RORA: variants seen among roughly 807,000 people sequenced by gnomAD.
The protein encoded by RORA is RAR related orphan receptor A, also known as nuclear receptor ROR-alpha.
In RORA, 7 loss-of-function variants were observed where a neutral mutation model predicts 69.5. The ratio of observed to expected loss-of-function variants is 0.10; its 90% CI spans 0.06 to 0.19. RORA has a LOEUF of 0.19. Among genes scored for constraint, RORA ranks in the 10% least tolerant of loss-of-function variants. The pLI, the probability that RORA is intolerant of heterozygous loss-of-function variation, is 1.00. For missense variants in RORA, 457 were observed against 663.0 expected (o/e 0.69, Z 3.41); for synonymous variants, 261 against 240.8 (o/e 1.08, Z -0.78).
At chr15:61,124,428 C>A (rs1406362858) in intron 1 of RORA, among the ~76,000 whole-genome samples, 1 of 152,112 alleles carries the variant, frequency 6.6e-6, no homozygotes, top group Non-Finnish European at 1.5e-5. Context: ...ACCCTCTCTG[C>A]CCCTCTGAGA....
intron 2 of RORA, chr15:60,558,464 C>G (rs1445628888): frequency 1.9e-6 from 1 of 540,284 alleles, no homozygotes; most frequent in Non-Finnish European, 3.3e-6. Context: ...TCATTAATGT[C>G]TGACTGAATA....
chr15:60,717,796 CTTTTT>C (rs10653856), intron 1 of RORA, among the ~76,000 whole-genome samples: 15 of 91,992 alleles, frequency 1.6e-4, no homozygotes, highest in South Asian at 4.5e-4. Context: ...TTCTTTTTCT[CTTTTT>C]TTTTTTTTTT....
At chr15:61,105,474 T>A (rs2078939582) in intron 1 of RORA, among the ~76,000 whole-genome samples, 1 of 152,230 alleles carries the variant, frequency 6.6e-6, no homozygotes, top group African/African-American at 2.4e-5. Context: ...AAACCATCTG[T>A]AATGGAATCT....
At chr15:61,138,871 C>A (rs1446452848) in intron 1 of RORA, among the ~76,000 whole-genome samples, 1 of 152,076 alleles carries the variant, frequency 6.6e-6, no homozygotes, top group Non-Finnish European at 1.5e-5. Flanking sequence ...ACAGGCCGGG[C>A]GCAGTGGCTC....
At chr15:60,713,450 C>T (rs1040738089) in intron 1 of RORA, among the ~76,000 whole-genome samples, 6 of 152,144 alleles carry the variant, frequency 3.9e-5, no homozygotes, top group Non-Finnish European at 5.9e-5. Flanking sequence ...TCTCAGAGAA[C>T]ACTGAATGGA....
intron 1 of RORA, among the ~76,000 whole-genome samples, chr15:60,984,092 T>C (rs1297001588): frequency 6.6e-6 from 1 of 152,184 alleles, no homozygotes; most frequent in Non-Finnish European, 1.5e-5. Context: ...TCTGAGAATA[T>C]GTTAGTAGGA....
intron 2 of RORA, among the ~76,000 whole-genome samples, chr15:60,613,243 G>A (rs760882640): frequency 3.3e-5 from 5 of 151,904 alleles, no homozygotes; most frequent in South Asian, 2.1e-4. Context: ...CATTTGTTTC[G>A]TATCTCTGTG....
intron 1 of RORA, among the ~76,000 whole-genome samples, chr15:61,082,395 A>C (rs557875467): frequency 6.6e-6 from 1 of 152,350 alleles, no homozygotes; most frequent in Admixed American, 6.5e-5. Context: ...AGGCTGAGGC[A>C]GGAGAATTGC....
At chr15:60,656,730 C>T (rs771649519) in intron 2 of RORA, among the ~76,000 whole-genome samples, 8 of 152,076 alleles carry the variant, frequency 5.3e-5, no homozygotes, top group East Asian at 1.9e-4. Flanking sequence ...GGTATCTCCC[C>T]GTCTGTCCAG....
chr15:61,054,575 T>A (rs906464966), intron 1 of RORA, among the ~76,000 whole-genome samples: 5 of 152,196 alleles, frequency 3.3e-5, no homozygotes, highest in African/African-American at 1.2e-4. Flanking sequence ...CAAGCAATAA[T>A]TAGCATCTAA....
intron 3 of RORA, among the ~76,000 whole-genome samples, chr15:60,516,573 G>A (rs2065968006): frequency 6.6e-6 from 1 of 151,938 alleles, no homozygotes; most frequent in Non-Finnish European, 1.5e-5. Context: ...GACACTAGTG[G>A]GGAGAGGTAA....
intron 1 of RORA, among the ~76,000 whole-genome samples, chr15:61,110,409 T>C (rs1033536699): frequency 6.6e-6 from 1 of 150,998 alleles, no homozygotes; most frequent in African/African-American, 2.4e-5. Context: ...AAAAAAAAAG[T>C]ACACACAGAA....
intron 2 of RORA, chr15:60,592,285 C>T (rs1012045753): frequency 4.2e-5 from 35 of 825,436 alleles, no homozygotes; most frequent in Middle Eastern, 4.4e-4. Flanking sequence ...CCGGGCAGTA[C>T]GTGCGTTCGG....
chr15:60,574,392 C>T (rs1002703379), intron 2 of RORA, among the ~76,000 whole-genome samples: 2 of 151,918 alleles, frequency 1.3e-5, no homozygotes, highest in African/African-American at 2.4e-5. Flanking sequence ...GAATTAGAAG[C>T]CTCTTATGTT....
chr15:60,801,962 A>C (rs573681472), intron 1 of RORA, among the ~76,000 whole-genome samples: 12 of 152,334 alleles, frequency 7.9e-5, no homozygotes, highest in African/African-American at 2.9e-4. Context: ...TAGGAAATGA[A>C]TTACTGATGT....
chr15:61,101,923 A>G (rs1330129256), intron 1 of RORA, among the ~76,000 whole-genome samples: 2 of 151,990 alleles, frequency 1.3e-5, no homozygotes, highest in Non-Finnish European at 2.9e-5. Context: ...CAGAGGTGCA[A>G]TGTGTGCCTG....
At chr15:60,690,038 GTGGCAC>G (rs2070800210) in intron 1 of RORA, among the ~76,000 whole-genome samples, 2 of 152,186 alleles carry the variant, frequency 1.3e-5, no homozygotes, top group African/African-American at 2.4e-5. Flanking sequence ...CACCCAGTTT[GTGGCAC>G]TTTGTTACCA....
intron 1 of RORA, among the ~76,000 whole-genome samples, chr15:61,119,638 G>A (rs2079084846): frequency 6.6e-6 from 1 of 151,932 alleles, no homozygotes; most frequent in South Asian, 2.1e-4. Flanking sequence ...TCCTCCAGTA[G>A]GGCTCCCCAG....
At chr15:60,574,245 A>G (rs1274709032) in intron 2 of RORA, among the ~76,000 whole-genome samples, 1 of 152,156 alleles carries the variant, frequency 6.6e-6, no homozygotes, top group Non-Finnish European at 1.5e-5. Context: ...TCCTCTGTAA[A>G]AAGGAGGATG....
Sources: gnomAD v4.1 joint callset for allele counts (sites outside exome capture counted in the v4.1 genomes callset) on GRCh38, gnomAD v4.1.1 for gene constraint, MANE v1.5 for transcripts, NCBI Gene and HGNC (gene_info 2026-07-23, HGNC 2026-07-21) for gene names.